SDK1: variants seen among roughly 807,000 people sequenced by gnomAD.
SDK1 encodes sidekick cell adhesion molecule 1.
SDK1 carries 157 observed loss-of-function variants against 245.5 expected under a neutral mutation model. The observed-to-expected ratio is 0.64, with a 90% CI of 0.56 to 0.73. SDK1 has a LOEUF of 0.73. Ranked by LOEUF, SDK1 falls within the 30% of genes least tolerant of loss-of-function variation. SDK1 has a pLI of 0.00. For synonymous variants in SDK1, 1,647 were observed against 1,278.5 expected, an observed-to-expected ratio of 1.29 and a Z score of -6.15; for missense variants, 3,583 against 3,002.3, an observed-to-expected ratio of 1.19 and a Z score of -4.52.
At chr7:3,995,671 G>C (rs1347472889) in intron 14 of SDK1, among the ~76,000 whole-genome samples, 1 of 152,192 alleles carries the variant, frequency 6.6e-6, no homozygotes, top group Non-Finnish European at 1.5e-5. Context: ...AGGGTTCTGA[G>C]TTTCGGGTCT....
At chr7:3,625,674 G>C (rs1782094268) in intron 2 of SDK1, among the ~76,000 whole-genome samples, 1 of 152,174 alleles carries the variant, frequency 6.6e-6, no homozygotes. Context: ...TTATTTATCA[G>C]CTCCTGTACT....
chr7:3,922,852 C>G (rs1185114966), intron 5 of SDK1, among the ~76,000 whole-genome samples: 1 of 152,192 alleles, frequency 6.6e-6, no homozygotes, highest in Non-Finnish European at 1.5e-5. Context: ...GTTTCTTTCA[C>G]TTACAGTGTA....
At chr7:3,959,554 TA>T (rs1270254100) in intron 8 of SDK1, among the ~76,000 whole-genome samples, 3 of 152,198 alleles carry the variant, frequency 2.0e-5, no homozygotes, top group Admixed American at 1.3e-4. Context: ...ACCCGTTAAG[TA>T]ATTTCTCATC....
chr7:4,163,941 G>A (rs554393393), intron 32 of SDK1, among the ~76,000 whole-genome samples: 4 of 152,336 alleles, frequency 2.6e-5, no homozygotes, highest in South Asian at 4.1e-4. Flanking sequence ...GAGAGTAGGC[G>A]TTTAACAAGC....
chr7:3,677,214 G>C (rs922236098), intron 4 of SDK1, among the ~76,000 whole-genome samples: 1 of 152,284 alleles, frequency 6.6e-6, no homozygotes, highest in Middle Eastern at 3.4e-3. Context: ...GTATGTGTGT[G>C]TGTGTGCATG....
chr7:3,811,736 C>A (rs762133703), intron 4 of SDK1, among the ~76,000 whole-genome samples: 2 of 152,154 alleles, frequency 1.3e-5, no homozygotes, highest in Non-Finnish European at 2.9e-5. Flanking sequence ...GCCAGAGCTC[C>A]GGTGGAAGGC....
intron 4 of SDK1, among the ~76,000 whole-genome samples, chr7:3,722,465 TC>T (rs1778844916): frequency 6.6e-6 from 1 of 152,092 alleles, no homozygotes; most frequent in South Asian, 2.1e-4. Flanking sequence ...GCTGCGGCAC[TC>T]ACCGCAGGGG....
chr7:3,426,455 C>T (rs1367938383), intron 1 of SDK1, among the ~76,000 whole-genome samples: 1 of 152,164 alleles, frequency 6.6e-6, no homozygotes, highest in African/African-American at 2.4e-5. Context: ...CTTCTCTGCT[C>T]CTCATTTCCC....
At chr7:3,399,879 G>A (rs1562463670) in intron 1 of SDK1, among the ~76,000 whole-genome samples, 2 of 152,108 alleles carry the variant, frequency 1.3e-5, no homozygotes, top group Admixed American at 1.3e-4. Flanking sequence ...TTTTTGGCTG[G>A]ACTCTTGGCT....
chr7:4,151,033 T>C (rs1164954507), intron 30 of SDK1, among the ~76,000 whole-genome samples: 3 of 152,022 alleles, frequency 2.0e-5, no homozygotes, highest in African/African-American at 7.2e-5. Flanking sequence ...GGCTTGGAGG[T>C]GATAAGGCCC....
At chr7:3,502,776 AAC>A (rs1782259624) in intron 1 of SDK1, among the ~76,000 whole-genome samples, 1 of 152,160 alleles carries the variant, frequency 6.6e-6, no homozygotes, top group Admixed American at 6.5e-5. Flanking sequence ...GCTAATTAAC[AAC>A]ACATTTCTTA....
At chr7:3,607,954 C>T (rs1217586170) in intron 1 of SDK1, among the ~76,000 whole-genome samples, 4 of 152,222 alleles carry the variant, frequency 2.6e-5, no homozygotes, top group East Asian at 1.9e-4. Flanking sequence ...TTGCAGGGGG[C>T]GGCCACAAGG....
intron 1 of SDK1, among the ~76,000 whole-genome samples, chr7:3,405,814 CT>C (rs534692477): frequency 0.012 from 1,539 of 125,324 alleles, 17 homozygotes; most frequent in African/African-American, 0.039. Flanking sequence ...TTCTTTCTTT[CT>C]TTTTTTTTTT....
At chr7:3,432,916 G>T (rs974381571) in intron 1 of SDK1, among the ~76,000 whole-genome samples, 1 of 152,176 alleles carries the variant, frequency 6.6e-6, no homozygotes, top group African/African-American at 2.4e-5. Context: ...TTCTTGTACA[G>T]ATTCATAGCA....
rs1203037906 is a variant in SDK1, at chr7:4,265,248, G to A, written c.6506G>A (p.Arg2169Lys). ...CAGGGCCGCGCACCTGCGCCGCACA[G>A]GTACGAGGCGGTGGCGGGCTCCGAG... ...RAQGRAPAPH[R>K]YEAVAGSEAG... is the part of the protein sequence containing the mutation. The change falls in exon 45 of 45, where the codon AGG becomes AAG. Residue 2169 changes from arginine to lysine, a missense_variant. Transcript: ENST00000404826. 1 of 1,604,286 alleles carries A rather than the reference G, an allele frequency of 6.2e-7. No individual in the cohort carries two copies. Among genetic ancestry groups the A allele is most frequent in the East Asian group, 2.2e-5 (1 of 44,762 alleles).
At chr7:3,371,756 G>A (rs764862686) in intron 1 of SDK1, among the ~76,000 whole-genome samples, 1 of 152,162 alleles carries the variant, frequency 6.6e-6, no homozygotes, top group Non-Finnish European at 1.5e-5. Flanking sequence ...CTTCACCCAA[G>A]AGGAGTTCCT....
At chr7:3,403,086 C>G (rs116999146) in intron 1 of SDK1, among the ~76,000 whole-genome samples, 15,117 of 152,084 alleles carry the variant, frequency 0.099, 946 homozygotes, top group African/African-American at 0.17. Context: ...AGCTGCATGC[C>G]ACCACACCCA....
intron 5 of SDK1, among the ~76,000 whole-genome samples, chr7:3,915,675 T>G (rs562046342): frequency 1.4e-3 from 217 of 152,296 alleles, no homozygotes; most frequent in African/African-American, 4.9e-3. Context: ...AGCGTGAGAA[T>G]GAGCTAATAC....
intron 35 of SDK1, among the ~76,000 whole-genome samples, chr7:4,199,066 C>T (rs907837338): frequency 3.3e-5 from 5 of 152,168 alleles, no homozygotes; most frequent in African/African-American, 9.6e-5. Flanking sequence ...CCACCCTCCT[C>T]GGCCTCCCAA....
Sources: allele counts gnomAD v4.1 joint callset (sites outside exome capture counted in the v4.1 genomes callset), GRCh38; gene constraint gnomAD v4.1.1; transcripts MANE v1.5; gene names NCBI Gene and HGNC (gene_info 2026-07-23, HGNC 2026-07-21).